FAM20C: variants seen among roughly 807,000 people sequenced by gnomAD.
FAM20C encodes the protein extracellular serine/threonine protein kinase FAM20C.
In FAM20C, 40 loss-of-function variants were observed where a neutral mutation model predicts 51.5. The ratio of observed to expected loss-of-function variants is 0.78; its 90% CI spans 0.60 to 1.01. FAM20C has a LOEUF of 1.01. Among genes scored for constraint, FAM20C ranks in the 50% least tolerant of loss-of-function variants. FAM20C has a pLI of 0.00. For synonymous variants in FAM20C, 406 were observed against 380.6 expected, an observed-to-expected ratio of 1.07 and a Z score of -0.78; for missense variants, 861 against 844.7, an observed-to-expected ratio of 1.02 and a Z score of -0.24.
At chr7:203,238 G>T (rs1326310104) in intron 2 of FAM20C, among the ~76,000 whole-genome samples, 3 of 152,256 alleles carry the variant, frequency 2.0e-5, no homozygotes, top group Non-Finnish European at 4.4e-5. Context: ...AGGCACGGGA[G>T]GCTGCATCTG....
chr7:195,626 G>A lies in FAM20C; in HGVS notation c.678G>A (p.Trp226Ter). 1 of 1,610,294 alleles carries A rather than the reference G, an allele frequency of 6.2e-7. No individual in the cohort carries two copies. Among genetic ancestry groups the A allele is most frequent in the Non-Finnish European group, 8.5e-7 (1 of 1,178,346 alleles). The change falls in exon 2 of 10, where the codon TGG becomes TGA. Residue 226 changes from tryptophan (W) to a stop codon, truncating the protein, a stop_gained. Transcript: ENST00000313766. LOFTEE classifies it high-confidence loss of function. ...GEAAVDSYPN[W>*]LKFHIGINRY... ...CGGCCGTGGACTCCTATCCCAACTG[G>A]CTCAAGTTCCACATTGGTATCAACC...
At position 224,166 on chromosome 7, in the gene FAM20C, C is replaced by T. The variant is rs1787368064; in HGVS notation, c.863+15190C>T. Among the ~76,000 whole-genome samples the T allele has an allele frequency of 3.4e-5, 5 of 148,814 alleles. No individual in the cohort carries two copies. In the South Asian group the frequency reaches 1.1e-3, roughly 32 times the overall value. ...TCACAGCGGCTGTCCCCTGAGCATTCTCTCACGGAGCAGAACGGCACCGTC... is the reference window on the plus strand; with the variant it reads ...TCACAGCGGCTGTCCCCTGAGCATTTTCTCACGGAGCAGAACGGCACCGTC... On this transcript the variant is annotated intron_variant, in intron 3 of 9. Transcript: ENST00000313766.
At position 206,767 on chromosome 7, in the gene FAM20C, T is replaced by G. The variant is rs377523127; in HGVS notation, c.785-2131T>G. Among the ~76,000 whole-genome samples the G allele has an allele frequency of 3.2e-3, 324 of 101,184 alleles. 48 individuals are homozygous for G. Among genetic ancestry groups the G allele is most frequent in the Non-Finnish European group, 3.7e-3 (190 of 50,914 alleles). The allele number at this position is 101,184 out of a possible 152,430, so 66.4% of individuals were successfully genotyped here. A position where few individuals can be genotyped will look rare whatever the true frequency, so the allele number is the denominator to read the frequency against. On this transcript the variant is annotated intron_variant, in intron 2 of 9. Transcript: ENST00000313766. ...TGCTCACTGTCCACTGTGACGCGTC[T>G]GTCACGGTCCCCTCGGCCCCGCACA...
intron 3 of FAM20C, among the ~76,000 whole-genome samples, chr7:237,110 C>T (rs1277638504): frequency 2.0e-5 from 3 of 152,304 alleles, no homozygotes; most frequent in Admixed American, 6.5e-5. Flanking sequence ...CAGGCTGCCT[C>T]GGGGCTGGGA....
chr7:226,267 T>C (rs1787440473), intron 3 of FAM20C, among the ~76,000 whole-genome samples: 2 of 152,098 alleles, frequency 1.3e-5, no homozygotes, highest in Non-Finnish European at 2.9e-5. Context: ...TTCCTCTGCC[T>C]CGTGACCGGC....
At chr7:253,653 C>T (rs999011479) in intron 5 of FAM20C, among the ~76,000 whole-genome samples, 4 of 152,220 alleles carry the variant, frequency 2.6e-5, no homozygotes, top group Admixed American at 6.5e-5. Flanking sequence ...CTGGGACCCC[C>T]GCTTCCCGGG....
At position 258,399 on chromosome 7, in the gene FAM20C, A is replaced by G. The variant is rs141539303; in HGVS notation, c.1446-247A>G. Among the ~76,000 whole-genome samples, 1,669 of 22,948 alleles carry G rather than the reference A, an allele frequency of 0.073. 119 individuals are homozygous for G. Among genetic ancestry groups the G allele is most frequent in the Middle Eastern group, 0.17 (8 of 46 alleles). The allele number at this position is 22,948 out of a possible 152,430, so 15.1% of individuals were successfully genotyped here. Reference sequence around the variant, plus strand: ...GGGCAGGGTGGACCCACTGCCCGGGATGCTGGAGATGGGTGGGGTGGACCC... The same window carrying G: ...GGGCAGGGTGGACCCACTGCCCGGGGTGCTGGAGATGGGTGGGGTGGACCC... On this transcript the variant is annotated intron_variant, in intron 8 of 9. Transcript: ENST00000313766.
chr7:246,237 T>C (rs1282863889), intron 3 of FAM20C, 178 bp from the exon 4 acceptor site: 1 of 609,744 alleles, frequency 1.6e-6, no homozygotes, highest in Non-Finnish European at 2.9e-6. Context: ...GTGCCTGCGC[T>C]GCTCTGAGGG....
chr7:220,131 A>G (rs1053541933), intron 3 of FAM20C, among the ~76,000 whole-genome samples: 2 of 152,166 alleles, frequency 1.3e-5, no homozygotes, highest in Non-Finnish European at 2.9e-5. Flanking sequence ...GATCCACCTC[A>G]TTGGAAGCTG....
At chr7:213,160 A>T (rs1786803445) in intron 3 of FAM20C, among the ~76,000 whole-genome samples, 1 of 149,170 alleles carries the variant, frequency 6.7e-6, no homozygotes. Flanking sequence ...GGAGTCCTGC[A>T]GTGTGTGGTC....
intron 2 of FAM20C, among the ~76,000 whole-genome samples, chr7:205,639 C>T (rs1467469194): frequency 1.3e-5 from 2 of 152,164 alleles, no homozygotes; most frequent in African/African-American, 4.8e-5. Context: ...CGTCGGAGCC[C>T]GTCGACGGTT....
chr7:243,838 C>T (rs1311449674), intron 3 of FAM20C, among the ~76,000 whole-genome samples: 3 of 151,930 alleles, frequency 2.0e-5, no homozygotes, highest in Non-Finnish European at 4.4e-5. Context: ...ATCAGGCACC[C>T]AGTGGTGCAG....
In FAM20C at chr7:240,337, T is replaced by TCG. The variant is rs1787898390; in HGVS notation, c.864-6078_864-6077insCG. Reference sequence around the variant, plus strand: ...ATGATGATGGTGGTGGAGGTGATGATTATGATGTTGATAAAGGATGATAAT... The same window carrying TCG: ...ATGATGATGGTGGTGGAGGTGATGATCGTATGATGTTGATAAAGGATGATAAT... On this transcript the variant is annotated intron_variant, in intron 3 of 9. Transcript: ENST00000313766. Among the ~76,000 whole-genome samples, 2 of 34,992 alleles carry TCG rather than the reference T, an allele frequency of 5.7e-5. 1 individual carries two copies. The highest frequency in any genetic ancestry group is 1.5e-4 in the Non-Finnish European group (2 of 12,930). 23.0% of individuals were successfully genotyped at this position (34,992 alleles called of 152,430 possible). A position where few individuals can be genotyped will look rare whatever the true frequency, so the allele number is the denominator to read the frequency against.
At chr7:217,572 G>A (rs926915509) in intron 3 of FAM20C, among the ~76,000 whole-genome samples, 3 of 152,176 alleles carry the variant, frequency 2.0e-5, no homozygotes, top group Non-Finnish European at 4.4e-5. Context: ...ATGGCAGACA[G>A]CTGCCTGGTG....
chr7:242,122 C>T (rs1161887720), intron 3 of FAM20C, among the ~76,000 whole-genome samples: 6 of 152,146 alleles, frequency 3.9e-5, no homozygotes, highest in African/African-American at 4.8e-5. Context: ...CATTGTACTT[C>T]GCCTGCTACT....
intron 3 of FAM20C, among the ~76,000 whole-genome samples, chr7:245,081 G>A (rs184334437): frequency 6.6e-6 from 1 of 152,238 alleles, no homozygotes; most frequent in African/African-American, 2.4e-5. Context: ...TGGCGATGAT[G>A]TCGGCCCGTG....
intron 3 of FAM20C, among the ~76,000 whole-genome samples, chr7:217,179 G>C: frequency 6.6e-6 from 1 of 152,120 alleles, no homozygotes; most frequent in East Asian, 1.9e-4. Flanking sequence ...GGTGCCCTGG[G>C]GCTGCTGACC....
Position 258,702 on chromosome 7 carries a change from G to A in FAM20C, c.1502G>A (p.Cys501Tyr), listed in dbSNP as rs1751752628. ...ATCCTGGTGCCGCTACAGCAGTGCT[G>A]CAGGTACAGCCCCTGCCGGAGCCGG... ...LSILVPLQQCCRIRKSTYLRL... is the reference protein window; with the variant it reads ...LSILVPLQQCYRIRKSTYLRL... Residue 501 changes from cysteine to tyrosine, a missense_variant, in exon 9 of 10, where the codon TGC becomes TAC. By Grantham distance (194) the Cys-to-Tyr change is radical. Around this residue, in one of 3 missense-constraint regions of FAM20C, gnomAD observed 269 missense variants for 283.8 expected, o/e 0.95. Transcript: ENST00000313766. 1 of 1,535,984 alleles carries A rather than the reference G, an allele frequency of 6.5e-7. No homozygotes were observed. Among genetic ancestry groups the A allele is most frequent in the Non-Finnish European group, 8.7e-7 (1 of 1,146,132 alleles).
At chr7:207,445 A>G (rs28436118) in intron 2 of FAM20C, among the ~76,000 whole-genome samples, 68,995 of 104,822 alleles carry the variant, frequency 0.66, 25,460 homozygotes, top group African/African-American at 0.78. Context: ...CTGCTGGGTC[A>G]TGCCGTCCTC....
Sources: allele counts gnomAD v4.1 joint callset (sites outside exome capture counted in the v4.1 genomes callset), GRCh38; gene constraint gnomAD v4.1.1; regional missense constraint gnomAD v4.1.1; transcripts MANE v1.5; gene names NCBI Gene and HGNC (gene_info 2026-07-23, HGNC 2026-07-21).